Variants in GPC5 observed in about 807,000 individuals in gnomAD.
GPC5 encodes the protein glypican 5.
Under a neutral mutation model 53.9 loss-of-function variants are expected in GPC5, and 47 were observed. The ratio of observed to expected loss-of-function variants is 0.87; its 90% CI spans 0.69 to 1.11. The LOEUF is 1.11. Among genes scored for constraint, GPC5 ranks in the 50% most tolerant of loss-of-function variants. The pLI is 0.00. For synonymous variants in GPC5, 286 were observed against 263.3 expected (o/e 1.09, Z -0.84); for missense variants, 748 against 713.1 (o/e 1.05, Z -0.56).
chr13:92,653,917 G>A (rs565347280), intron 7 of GPC5, among the ~76,000 whole-genome samples: 1 of 152,324 alleles, frequency 6.6e-6, no homozygotes, highest in African/African-American at 2.4e-5. Context: ...TGAAGTATGA[G>A]AACTGAAGCC....
At chr13:92,527,250 AG>A (rs1164061615) in intron 7 of GPC5, among the ~76,000 whole-genome samples, 661 of 13,948 alleles carry the variant, frequency 0.047, 57 homozygotes, top group African/African-American at 0.13. Context: ...AGAAAGAAAG[AG>A]AAAGAAAGAA....
intron 7 of GPC5, among the ~76,000 whole-genome samples, chr13:92,256,925 C>T (rs2042730188): frequency 6.6e-6 from 1 of 152,088 alleles, no homozygotes; most frequent in African/African-American, 2.4e-5. Context: ...AGAAAAAACA[C>T]ACAGCAGTAA....
At chr13:91,736,358 G>A (rs1376241066) in intron 4 of GPC5, among the ~76,000 whole-genome samples, 1 of 151,240 alleles carries the variant, frequency 6.6e-6, no homozygotes, top group Admixed American at 6.6e-5. Flanking sequence ...TTAAAATCAA[G>A]TTCTTCTAAT....
chr13:92,497,992 T>G (rs1276272316), intron 7 of GPC5, among the ~76,000 whole-genome samples: 1 of 152,108 alleles, frequency 6.6e-6, no homozygotes, highest in African/African-American at 2.4e-5. Flanking sequence ...GTTTTGGGGC[T>G]GAGATGATGG....
chr13:92,138,540 AT>A lies in GPC5; in HGVS notation c.1402-6289del, dbSNP rs373416958. 3.6e-4 allele frequency among the ~76,000 whole-genome samples: 29 copies of A among 80,976 alleles called. No homozygotes were observed. In the East Asian group the frequency reaches 5.8e-3, roughly 16 times the overall value. The allele number at this position is 80,976 out of a possible 152,430, so 53.1% of individuals were successfully genotyped here. A position where few individuals can be genotyped will look rare whatever the true frequency, so the allele number is the denominator to read the frequency against. ...ATCTCAAAAAAATAAAAAATAAAAA[AT>A]AAAAAAAAATAAAAATAAAAATAAA... On this transcript the variant is annotated intron_variant, in intron 6 of 7. Transcript: ENST00000377067.
chr13:91,448,503 T>C (rs1416282437), intron 1 of GPC5, among the ~76,000 whole-genome samples: 1 of 152,248 alleles, frequency 6.6e-6, no homozygotes, highest in Non-Finnish European at 1.5e-5. Flanking sequence ...GTAGTTAATT[T>C]GCTTTCTATT....
At chr13:92,088,909 GC>G (rs2041356273) in intron 6 of GPC5, among the ~76,000 whole-genome samples, 1 of 152,084 alleles carries the variant, frequency 6.6e-6, no homozygotes, top group Admixed American at 6.6e-5. Context: ...GTGCAATGGT[GC>G]CACAGAAATA....
intron 7 of GPC5, among the ~76,000 whole-genome samples, chr13:92,498,330 T>C (rs537129152): frequency 3.3e-5 from 5 of 152,282 alleles, no homozygotes; most frequent in Non-Finnish European, 7.4e-5. Flanking sequence ...ATGTGCCATA[T>C]GTTTACTGGA....
chr13:92,493,282 AG>A (rs1879835940), intron 7 of GPC5, among the ~76,000 whole-genome samples: 3 of 152,244 alleles, frequency 2.0e-5, no homozygotes. Context: ...ATACATTGAC[AG>A]GAACAATCAT....
At chr13:92,180,514 G>A (rs889976031) in intron 7 of GPC5, among the ~76,000 whole-genome samples, 4 of 151,852 alleles carry the variant, frequency 2.6e-5, no homozygotes, top group Non-Finnish European at 4.4e-5. Context: ...TTTTTTATTA[G>A]TACAAACACA....
At chr13:91,618,219 TTCTC>T (rs575004873) in intron 2 of GPC5, among the ~76,000 whole-genome samples, 45 of 152,190 alleles carry the variant, frequency 3.0e-4, no homozygotes, top group African/African-American at 1.0e-3. Flanking sequence ...AATAGAGAGA[TTCTC>T]TAATAATGCA....
chr13:92,361,486 G>A (rs934350831), intron 7 of GPC5, among the ~76,000 whole-genome samples: 3 of 151,780 alleles, frequency 2.0e-5, no homozygotes, highest in Admixed American at 2.0e-4. Context: ...GCCTGTGGGT[G>A]ATCAAAGCTA....
chr13:92,446,421 A>T (rs993734246), intron 7 of GPC5: 1 of 150,140 alleles, frequency 6.7e-6, no homozygotes, highest in African/African-American at 2.5e-5. Flanking sequence ...ATTGCAAAGG[A>T]CAGGATACTA....
At chr13:92,575,436 A>G (rs1446881299) in intron 7 of GPC5, among the ~76,000 whole-genome samples, 2 of 152,116 alleles carry the variant, frequency 1.3e-5, no homozygotes, top group African/African-American at 4.8e-5. Context: ...ACATTTTCAG[A>G]CACTAGAAAC....
At chr13:91,533,503 A>C (rs566496826) in intron 2 of GPC5, among the ~76,000 whole-genome samples, 14 of 152,362 alleles carry the variant, frequency 9.2e-5, no homozygotes, top group African/African-American at 3.4e-4. Context: ...AGGAAGCAAA[A>C]CAATCTCAGC....
At chr13:92,536,392 G>C (rs917597579) in intron 7 of GPC5, among the ~76,000 whole-genome samples, 18 of 152,074 alleles carry the variant, frequency 1.2e-4, no homozygotes, top group African/African-American at 4.1e-4. Flanking sequence ...AAATAGATTT[G>C]AACAAGGTGC....
intron 7 of GPC5, among the ~76,000 whole-genome samples, chr13:92,747,025 A>G (rs1037351765): frequency 3.3e-5 from 5 of 152,262 alleles, no homozygotes; most frequent in African/African-American, 7.2e-5. Flanking sequence ...TTGTAACACA[A>G]TGGTATTTGT....
chr13:92,417,770 G>T (rs1431957369), intron 7 of GPC5, among the ~76,000 whole-genome samples: 1 of 152,108 alleles, frequency 6.6e-6, no homozygotes, highest in Non-Finnish European at 1.5e-5. Flanking sequence ...ATGTGCCTGT[G>T]GTCCCAGCTA....
intron 7 of GPC5, among the ~76,000 whole-genome samples, chr13:92,643,293 C>A (rs1330856421): frequency 2.0e-5 from 3 of 152,140 alleles, no homozygotes. Flanking sequence ...ACATGAAGTC[C>A]TTGCCCATGC....
Sources: gnomAD v4.1 joint callset for allele counts (sites outside exome capture counted in the v4.1 genomes callset) on GRCh38, gnomAD v4.1.1 for gene constraint, MANE v1.5 for transcripts, NCBI Gene and HGNC (gene_info 2026-07-23, HGNC 2026-07-21) for gene names.